Variants in HS3ST4 observed in about 807,000 individuals in gnomAD.
HS3ST4 encodes the protein heparan sulfate-glucosamine 3-sulfotransferase 4.
In HS3ST4, 17 loss-of-function variants were observed where a neutral mutation model predicts 29.2. The observed-to-expected ratio is 0.58, with a 90% CI of 0.40 to 0.87. The LOEUF (loss-of-function observed/expected upper bound fraction) is 0.87, where lower values mean the gene tolerates loss of function less well. Among genes scored for constraint, HS3ST4 ranks in the 40% least tolerant of loss-of-function variants. The pLI is 0.00. For missense variants in HS3ST4, 627 were observed against 634.5 expected (o/e 0.99, Z 0.13); for synonymous variants, 314 against 285.7 (o/e 1.10, Z -1.00).
intron 1 of HS3ST4, among the ~76,000 whole-genome samples, chr16:25,894,592 G>A (rs1459137149): frequency 1.0e-4 from 15 of 150,412 alleles, no homozygotes; most frequent in Non-Finnish European, 1.9e-4. Flanking sequence ...TGCAACCTCC[G>A]CCTCCCAGGT....
At chr16:25,946,878 A>G (rs1596622612) in intron 1 of HS3ST4, among the ~76,000 whole-genome samples, 2 of 152,230 alleles carry the variant, frequency 1.3e-5, no homozygotes, top group East Asian at 3.9e-4. Context: ...TGTGGCAAAA[A>G]AGTAGTGCAC....
chr16:25,804,897 GT>G (rs1405364663), intron 1 of HS3ST4, among the ~76,000 whole-genome samples: 3 of 152,040 alleles, frequency 2.0e-5, no homozygotes, highest in African/African-American at 4.8e-5. Flanking sequence ...TAATTGCTTA[GT>G]TACTATTATT....
At chr16:25,778,616 G>A (rs1163323393) in intron 1 of HS3ST4, among the ~76,000 whole-genome samples, 7 of 152,188 alleles carry the variant, frequency 4.6e-5, no homozygotes, top group Non-Finnish European at 8.8e-5. Flanking sequence ...GAATAGAGCA[G>A]CTGACCCTTT....
Position 25,982,027 on chromosome 16 carries a change from C to T in HS3ST4, c.735-153585C>T, listed in dbSNP as rs568337918. 2.6e-4 allele frequency among the ~76,000 whole-genome samples: 28 copies of T among 107,678 alleles called. 1 individual carries two copies. The South Asian group carries it at 7.5e-3, about 29-fold the overall frequency. 70.6% of individuals were successfully genotyped at this position (107,678 alleles called of 152,430 possible). On this transcript the variant is annotated intron_variant, in intron 1 of 1. Transcript: ENST00000331351. ...CAGCATGTGTGTGTATATTCACATA[C>T]TGAGACACACAGACACACACACAGA...
intron 1 of HS3ST4, among the ~76,000 whole-genome samples, chr16:25,867,335 G>A (rs1180164978): frequency 6.6e-6 from 1 of 152,130 alleles, no homozygotes; most frequent in Non-Finnish European, 1.5e-5. Context: ...CCGCTGATAG[G>A]AGCAGCAAAT....
chr16:25,914,345 G>A (rs565220160), intron 1 of HS3ST4, among the ~76,000 whole-genome samples: 2 of 151,430 alleles, frequency 1.3e-5, no homozygotes, highest in African/African-American at 2.4e-5. Context: ...ATGTATGTAT[G>A]TGGGGTGTGT....
At chr16:26,018,308 T>C (rs1006336830) in intron 1 of HS3ST4, among the ~76,000 whole-genome samples, 1 of 152,178 alleles carries the variant, frequency 6.6e-6, no homozygotes, top group African/African-American at 2.4e-5. Flanking sequence ...GGTTTATATC[T>C]TGTCAACAGG....
At chr16:25,900,305 T>C (rs1390670742) in intron 1 of HS3ST4, among the ~76,000 whole-genome samples, 1 of 152,156 alleles carries the variant, frequency 6.6e-6, no homozygotes, top group Non-Finnish European at 1.5e-5. Flanking sequence ...GAAAGTGGAA[T>C]GAATGAAAAA....
chr16:25,829,302 T>C (rs796615630), intron 1 of HS3ST4, among the ~76,000 whole-genome samples: 1 of 152,164 alleles, frequency 6.6e-6, no homozygotes, highest in African/African-American at 2.4e-5. Flanking sequence ...GAAAAGACAT[T>C]TTGCCCTAAA....
At chr16:25,917,479 G>T (rs1968304318) in intron 1 of HS3ST4, among the ~76,000 whole-genome samples, 1 of 152,210 alleles carries the variant, frequency 6.6e-6, no homozygotes, top group African/African-American at 2.4e-5. Context: ...CTAAAGTGCT[G>T]AGATTATAGG....
chr16:25,974,710 G>A (rs2141708131), intron 1 of HS3ST4, among the ~76,000 whole-genome samples: 1 of 152,218 alleles, frequency 6.6e-6, no homozygotes. Flanking sequence ...AATTTTCTTT[G>A]TATATTTTTC....
At chr16:26,093,251 G>A (rs1898879452) in intron 1 of HS3ST4, among the ~76,000 whole-genome samples, 1 of 152,182 alleles carries the variant, frequency 6.6e-6, no homozygotes, top group Admixed American at 6.5e-5. Flanking sequence ...TCCCAACATG[G>A]CGTTTGAGCA....
chr16:26,078,307 GT>G (rs1375663256), intron 1 of HS3ST4, among the ~76,000 whole-genome samples: 2 of 152,104 alleles, frequency 1.3e-5, no homozygotes, highest in Non-Finnish European at 2.9e-5. Context: ...CATCCAGATA[GT>G]TTTTTTGTGT....
At chr16:25,700,039 G>T (rs1262186392) in intron 1 of HS3ST4, among the ~76,000 whole-genome samples, 1 of 152,024 alleles carries the variant, frequency 6.6e-6, no homozygotes, top group Admixed American at 6.6e-5. Flanking sequence ...TAAAGAGAAA[G>T]CTGTAATGTA....
chr16:25,907,225 T>A (rs1260361840), intron 1 of HS3ST4, among the ~76,000 whole-genome samples: 1 of 151,964 alleles, frequency 6.6e-6, no homozygotes, highest in African/African-American at 2.4e-5. Flanking sequence ...TAAAAAAAGA[T>A]ACTTTGGCAG....
At chr16:26,071,439 A>G (rs985365418) in intron 1 of HS3ST4, among the ~76,000 whole-genome samples, 2 of 152,190 alleles carry the variant, frequency 1.3e-5, no homozygotes, top group African/African-American at 4.8e-5. Context: ...GAAGTATTTC[A>G]GTGCTTCAAG....
At chr16:25,887,761 T>G (rs1449323765) in intron 1 of HS3ST4, among the ~76,000 whole-genome samples, 1 of 146,468 alleles carries the variant, frequency 6.8e-6, no homozygotes, top group Non-Finnish European at 1.5e-5. Context: ...GCAGTGGTGC[T>G]ATCTCGGCTC....
chr16:25,776,199 C>T (rs1275867205), intron 1 of HS3ST4, among the ~76,000 whole-genome samples: 1 of 152,144 alleles, frequency 6.6e-6, no homozygotes, highest in Non-Finnish European at 1.5e-5. Flanking sequence ...TCCTCAAATG[C>T]TTGACTCAGT....
chr16:26,080,646 C>G (rs1372015152), intron 1 of HS3ST4, among the ~76,000 whole-genome samples: 1 of 152,148 alleles, frequency 6.6e-6, no homozygotes, highest in Non-Finnish European at 1.5e-5. Context: ...TGTCTCAGGG[C>G]TACTCCAGCC....
Sources: allele counts gnomAD v4.1 joint callset (sites outside exome capture counted in the v4.1 genomes callset), GRCh38; gene constraint gnomAD v4.1.1; transcripts MANE v1.5; gene names NCBI Gene and HGNC (gene_info 2026-07-23, HGNC 2026-07-21).